Variants in KCNJ16 observed in about 807,000 individuals in gnomAD.
KCNJ16 encodes the protein inward rectifier potassium channel 16.
Under a neutral mutation model 18.5 loss-of-function variants are expected in KCNJ16, and 15 were observed. The ratio of observed to expected loss-of-function variants is 0.81; its 90% CI spans 0.54 to 1.25. KCNJ16 has a LOEUF of 1.25. Among genes scored for constraint, KCNJ16 ranks in the 50% most tolerant of loss-of-function variants. The pLI is 0.00. For missense variants in KCNJ16, 523 were observed against 525.7 expected (o/e 0.99, Z 0.05); for synonymous variants, 174 against 186.5 (o/e 0.93, Z 0.55).
intron 2 of KCNJ16, among the ~76,000 whole-genome samples, chr17:70,129,123 A>G (rs572121627): frequency 6.6e-6 from 1 of 152,328 alleles, no homozygotes; most frequent in African/African-American, 2.4e-5. Flanking sequence ...CGCAGCTTCC[A>G]GGCCCAGTGG....
At chr17:70,077,717 G>A (rs527676172) in intron 1 of KCNJ16, among the ~76,000 whole-genome samples, 4 of 151,302 alleles carry the variant, frequency 2.6e-5, no homozygotes, top group Admixed American at 2.6e-4. Context: ...ATTTTAGTGA[G>A]TCCATCCATC....
At chr17:70,107,007 T>C (rs2072963786) in intron 2 of KCNJ16, among the ~76,000 whole-genome samples, 1 of 152,208 alleles carries the variant, frequency 6.6e-6, no homozygotes, top group African/African-American at 2.4e-5. Flanking sequence ...ATTGTTACAG[T>C]AGCTGCCTCA....
intron 2 of KCNJ16, among the ~76,000 whole-genome samples, chr17:70,115,978 T>C (rs1031467846): frequency 6.6e-6 from 1 of 152,170 alleles, no homozygotes; most frequent in African/African-American, 2.4e-5. Flanking sequence ...GTTTCCCCTT[T>C]ACAAAGCCTC....
At position 70,132,016 on chromosome 17, in the gene KCNJ16, C is replaced by G; in HGVS notation, c.-72C>G. On this transcript the variant is annotated 5_prime_UTR_variant, in exon 4 of 4. Coordinates refer to ENST00000392671, the MANE Select transcript of KCNJ16 (RefSeq NM_170741.4). ...TTAGGTTCTAACTGAAAACCCAAACCAAGAAATAGCAACAAGTCTAGAATT... is the reference window on the plus strand; with the variant it reads ...TTAGGTTCTAACTGAAAACCCAAACGAAGAAATAGCAACAAGTCTAGAATT... 5.6e-6 allele frequency: 9 copies of G among 1,595,366 alleles called. No homozygotes were observed. The highest frequency in any genetic ancestry group is 7.7e-6 in the Non-Finnish European group (9 of 1,170,858).
intron 2 of KCNJ16, among the ~76,000 whole-genome samples, chr17:70,110,519 C>A (rs986409213): frequency 3.3e-5 from 5 of 149,358 alleles, no homozygotes; most frequent in Non-Finnish European, 1.5e-5. Context: ...TTTCCGGCAT[C>A]CAGTCTTTAT....
Position 70,102,717 on chromosome 17 carries a change from C to T in KCNJ16, c.-191+1951C>T, listed in dbSNP as rs115804915. Among the ~76,000 whole-genome samples, 1,096 of 152,246 alleles carry T rather than the reference C, an allele frequency of 7.2e-3. 16 individuals are homozygous for T. The highest frequency in any genetic ancestry group is 0.025 in the African/African-American group (1,036 of 41,548). ...CACCACATTTTTCTACCCCATTTGA[C>T]AGCGGAACTCTCTGTAGGCTTTCTG... On this transcript the variant is annotated intron_variant, in intron 2 of 3. Coordinates refer to ENST00000392671, the MANE Select transcript of KCNJ16 (RefSeq NM_170741.4).
At chr17:70,126,684 T>C (rs1352583270) in intron 2 of KCNJ16, among the ~76,000 whole-genome samples, 1 of 152,220 alleles carries the variant, frequency 6.6e-6, no homozygotes, top group Non-Finnish European at 1.5e-5. Flanking sequence ...AAAACCATTT[T>C]ATTTTAGACT....
intron 2 of KCNJ16, among the ~76,000 whole-genome samples, chr17:70,103,243 GTA>G (rs200019613): frequency 0.037 from 4,955 of 135,166 alleles, 87 homozygotes; most frequent in Middle Eastern, 0.075. Context: ...ATATTTATGT[GTA>G]TATATATATT....
chr17:70,111,478 T>G (rs2073182047), intron 2 of KCNJ16, among the ~76,000 whole-genome samples: 1 of 152,126 alleles, frequency 6.6e-6, no homozygotes, highest in South Asian at 2.1e-4. Context: ...GAATACTTGG[T>G]TGCACTATTA....
At chr17:70,110,547 C>T (rs1200997188) in intron 2 of KCNJ16, among the ~76,000 whole-genome samples, 1 of 152,066 alleles carries the variant, frequency 6.6e-6, no homozygotes, top group African/African-American at 2.4e-5. Flanking sequence ...GCTAGTTCTT[C>T]AGTAAGAGTC....
intron 2 of KCNJ16, among the ~76,000 whole-genome samples, chr17:70,103,333 T>TCACAC (rs1276631412): frequency 6.8e-5 from 2 of 29,382 alleles, no homozygotes; most frequent in Non-Finnish European, 1.6e-4. Flanking sequence ...CACACACATA[T>TCACAC]ATATATATTT....
intron 1 of KCNJ16, among the ~76,000 whole-genome samples, chr17:70,075,888 T>C (rs1011193096): frequency 6.6e-6 from 1 of 152,174 alleles, no homozygotes; most frequent in Non-Finnish European, 1.5e-5. Flanking sequence ...ATAAGAGATC[T>C]ATTTTTTCTA....
intron 1 of KCNJ16, among the ~76,000 whole-genome samples, chr17:70,093,368 G>A (rs190074955): frequency 6.6e-6 from 1 of 152,230 alleles, no homozygotes; most frequent in East Asian, 1.9e-4. Context: ...CTAGCCCCGG[G>A]CTTTCCTTCC....
intron 2 of KCNJ16, among the ~76,000 whole-genome samples, chr17:70,120,778 C>T (rs998629168): frequency 6.6e-6 from 1 of 152,146 alleles, no homozygotes; most frequent in Non-Finnish European, 1.5e-5. Context: ...CCACGGCAAC[C>T]CCACCTTCAG....
At chr17:70,099,153 T>C (rs1036792378) in intron 1 of KCNJ16, among the ~76,000 whole-genome samples, 1 of 152,224 alleles carries the variant, frequency 6.6e-6, no homozygotes, top group Non-Finnish European at 1.5e-5. Flanking sequence ...GCAGTATTGA[T>C]TGATGCCAGT....
chr17:70,099,593 G>A (rs1032953737), intron 1 of KCNJ16, among the ~76,000 whole-genome samples: 1 of 152,044 alleles, frequency 6.6e-6, no homozygotes, highest in Non-Finnish European at 1.5e-5. Flanking sequence ...TGGAGGAGCT[G>A]GGGCAATAAA....
intron 1 of KCNJ16, among the ~76,000 whole-genome samples, chr17:70,098,669 A>G (rs996613761): frequency 6.6e-6 from 1 of 152,090 alleles, no homozygotes; most frequent in Admixed American, 6.6e-5. Flanking sequence ...TAGCACTGTC[A>G]TCGAAGATTA....
chr17:70,130,792 A>C (rs2074028886), intron 2 of KCNJ16, 87 bp from the exon 3 acceptor site: 1 of 658,214 alleles, frequency 1.5e-6, no homozygotes, highest in Non-Finnish European at 2.7e-6. Flanking sequence ...CATCTAGCAC[A>C]GGTAGACTGT....
intron 2 of KCNJ16, among the ~76,000 whole-genome samples, chr17:70,123,859 T>G (rs1448290083): frequency 6.6e-6 from 1 of 152,222 alleles, no homozygotes; most frequent in Non-Finnish European, 1.5e-5. Flanking sequence ...TAGAAATGAT[T>G]GCTCTGGATG....
Sources: allele counts gnomAD v4.1 joint callset (sites outside exome capture counted in the v4.1 genomes callset), GRCh38; gene constraint gnomAD v4.1.1; transcripts MANE v1.5; gene names NCBI Gene and HGNC (gene_info 2026-07-23, HGNC 2026-07-21).